SDK2: variants seen among roughly 807,000 people sequenced by gnomAD.
The protein encoded by SDK2 is sidekick cell adhesion molecule 2.
A neutral mutation model predicts 253.9 loss-of-function variants in SDK2; 105 were observed. The ratio of observed to expected loss-of-function variants is 0.41; its 90% CI spans 0.35 to 0.49. SDK2 has a LOEUF of 0.49. Ranked by LOEUF, SDK2 falls within the 20% of genes least tolerant of loss-of-function variation. The probability of loss-of-function intolerance (pLI) is 0.06; values close to 1 mark genes in which losing one functional copy is unlikely to be tolerated. For missense variants in SDK2, 2,608 were observed against 3,003.0 expected (o/e 0.87, Z 3.07); for synonymous variants, 1,249 against 1,234.9 (o/e 1.01, Z -0.24).
intron 1 of SDK2, among the ~76,000 whole-genome samples, chr17:73,588,197 A>ACCCCCCCCCCCCCCCCCC (rs57740393): frequency 2.3e-5 from 3 of 130,862 alleles, no homozygotes; most frequent in African/African-American, 5.7e-5. Context: ...ACATGGAGAG[A>ACCCCCCCCCCCCCCCCCC]CCCCCCCCCC....
Position 73,600,023 on chromosome 17 carries a change from G to A in SDK2, c.64+44002C>T, listed in dbSNP as rs563570425. On this transcript the variant is annotated intron_variant, in intron 1 of 44. Coordinates refer to ENST00000392650, the MANE Select transcript of SDK2 (RefSeq NM_001144952.2). The stretch of plus-strand genomic sequence containing the variant: ...GATACTGAACCCGTAGCAGCCCCTC[G>A]TCACTATGTTTTCTCAAACAGTGGT... Among the ~76,000 whole-genome samples, 9 of 152,320 alleles carry A rather than the reference G, an allele frequency of 5.9e-5. No homozygotes were observed. In the South Asian group the frequency reaches 1.0e-3, roughly 18 times the overall value.
intron 18 of SDK2, among the ~76,000 whole-genome samples, 152 bp downstream of exon 18, chr17:73,414,492 A>T (rs112600012): frequency 1.4e-3 from 206 of 151,566 alleles, no homozygotes; most frequent in African/African-American, 4.7e-3. Flanking sequence ...AAGGCCTGGA[A>T]CTCTTTTCCT....
At chr17:73,381,804 C>G (rs1055744626) in intron 33 of SDK2, among the ~76,000 whole-genome samples, 1 of 152,052 alleles carries the variant, frequency 6.6e-6, no homozygotes, top group Non-Finnish European at 1.5e-5. Flanking sequence ...ACTTGGGAGG[C>G]TGGGGCAGGA....
chr17:73,465,037 C>T lies in SDK2; in HGVS notation c.331+7075G>A, dbSNP rs897064285. ...CATTGTTTCCTGAGTGATTTGAATACTCAGGTAACATGAGTGCTCCAGAAA... is the reference window on the plus strand; with the variant it reads ...CATTGTTTCCTGAGTGATTTGAATATTCAGGTAACATGAGTGCTCCAGAAA... On this transcript the variant is annotated intron_variant, in intron 3 of 44. Transcript: ENST00000392650. The surrounding 1 kb of genome is among the most constrained non-coding windows in gnomAD (Gnocchi z 4.2). Among the ~76,000 whole-genome samples, 1 of 152,098 alleles carries T rather than the reference C, an allele frequency of 6.6e-6. No individual in the cohort carries two copies. Among genetic ancestry groups the T allele is most frequent in the African/African-American group, 2.4e-5 (1 of 41,426 alleles).
At chr17:73,596,565 C>T (rs763667922) in intron 1 of SDK2, among the ~76,000 whole-genome samples, 4 of 152,178 alleles carry the variant, frequency 2.6e-5, no homozygotes, top group Admixed American at 6.5e-5. Context: ...TGAAAGGGGG[C>T]GCTGGCTCAT....
chr17:73,514,897 G>C (rs1021359228), intron 1 of SDK2, among the ~76,000 whole-genome samples: 1 of 152,162 alleles, frequency 6.6e-6, no homozygotes, highest in Admixed American at 6.5e-5. Context: ...GTGGAAACCT[G>C]TGCTCCTTAC....
At chr17:73,440,397 C>T (rs993861254) in intron 6 of SDK2, among the ~76,000 whole-genome samples, 13 of 152,082 alleles carry the variant, frequency 8.5e-5, no homozygotes, top group South Asian at 4.1e-4. Context: ...TGAGCCATCG[C>T]GCCCAAAGCC....
At chr17:73,488,618 G>A (rs1164837580) in intron 2 of SDK2, among the ~76,000 whole-genome samples, 2 of 147,136 alleles carry the variant, frequency 1.4e-5, no homozygotes, top group East Asian at 2.0e-4. Flanking sequence ...TCCAATTTCC[G>A]ACAACCTTCC....
intron 30 of SDK2, among the ~76,000 whole-genome samples, chr17:73,386,846 C>A (rs2145486454): frequency 6.6e-6 from 1 of 152,358 alleles, no homozygotes; most frequent in East Asian, 1.9e-4. Flanking sequence ...TCTGCAGCTT[C>A]CCCACTTCGC....
intron 11 of SDK2, 113 bp from the exon 12 acceptor site, chr17:73,430,726 C>T (rs566462648): frequency 3.0e-6 from 2 of 656,282 alleles, no homozygotes; most frequent in South Asian, 2.9e-5. Context: ...ACAATGAGCT[C>T]CCTGGTACTT....
chr17:73,346,849 G>A (rs140698802), intron 44 of SDK2, among the ~76,000 whole-genome samples: 55 of 152,248 alleles, frequency 3.6e-4, no homozygotes, highest in Non-Finnish European at 5.3e-4. Flanking sequence ...TTTTCCTGGC[G>A]GCTGAAACCG....
At position 73,401,067 on chromosome 17, in the gene SDK2, C is replaced by A; in HGVS notation, c.2924G>T (p.Gly975Val). The change falls in exon 21 of 45, where the codon GGC becomes GTC. Residue 975 changes from glycine to valine, a missense_variant. Transcript: ENST00000392650. ...TIEVAAMTSK[G>V]QGQVSASTIS... The stretch of plus-strand genomic sequence containing the variant: ...GGTGGAGGCGGACACTTGGCCCTGG[C>A]CCTTTGAGGTCATGGCGGCCACCTC... 1 of 1,576,248 alleles carries A rather than the reference C, an allele frequency of 6.3e-7. No homozygotes were observed. The highest frequency in any genetic ancestry group is 8.6e-7 in the Non-Finnish European group (1 of 1,160,902).
At chr17:73,545,864 G>A (rs930251238) in intron 1 of SDK2, among the ~76,000 whole-genome samples, 4 of 152,164 alleles carry the variant, frequency 2.6e-5, no homozygotes, top group Admixed American at 2.6e-4. Flanking sequence ...CTCTGAGGCG[G>A]CTGGGGTCAG....
At chr17:73,456,195 G>A (rs2063525002) in intron 3 of SDK2, 142 bp from the exon 4 acceptor site, 4 of 872,598 alleles carry the variant, frequency 4.6e-6, no homozygotes, top group Middle Eastern at 2.7e-4. Flanking sequence ...CACCTTGCTC[G>A]GGCCACCCCA....
At chr17:73,449,310 G>A (rs1767442636) in intron 4 of SDK2, among the ~76,000 whole-genome samples, 1 of 152,218 alleles carries the variant, frequency 6.6e-6, no homozygotes, top group Non-Finnish European at 1.5e-5. Context: ...TGAGACAGCT[G>A]TTAAACATCC....
In SDK2 at chr17:73,642,757, C is replaced by G. The variant is rs892169977; in HGVS notation, c.64+1268G>C. Among the ~76,000 whole-genome samples, 2 of 152,172 alleles carry G rather than the reference C, an allele frequency of 1.3e-5. No individual in the cohort carries two copies. Among genetic ancestry groups the G allele is most frequent in the African/African-American group, 2.4e-5 (1 of 41,448 alleles). On this transcript the variant is annotated intron_variant, in intron 1 of 44. Transcript: ENST00000392650. The surrounding 1 kb of genome is among the most constrained non-coding windows in gnomAD (Gnocchi z 4.7). Reference sequence around the variant, plus strand: ...CATAAAAATAATAACTTTTATTACCCTACATTTATAGGGCTCGTTACAAAA... The same window carrying G: ...CATAAAAATAATAACTTTTATTACCGTACATTTATAGGGCTCGTTACAAAA...
rs1399118596 is a variant in SDK2, at chr17:73,348,588, C to T, written c.6165+11G>A. The T allele has an allele frequency of 1.2e-6, 2 of 1,611,466 alleles. No individual in the cohort carries two copies. The highest frequency in any genetic ancestry group is 8.5e-7 in the Non-Finnish European group (1 of 1,179,350). On this transcript the variant is annotated intron_variant, in intron 44 of 44. Transcript: ENST00000392650. The stretch of plus-strand genomic sequence containing the variant: ...TGCCCCCTGCAGGACACCTGGCCCT[C>T]CTGCCCTCACCTGAGAGTCGGAGAT...
chr17:73,533,109 C>A (rs951707413), intron 1 of SDK2, among the ~76,000 whole-genome samples: 1 of 152,222 alleles, frequency 6.6e-6, no homozygotes, highest in Non-Finnish European at 1.5e-5. Context: ...AACCCTCATG[C>A]CCCTACGGGA....
chr17:73,611,011 G>C (rs951969957), intron 1 of SDK2, among the ~76,000 whole-genome samples: 1 of 152,190 alleles, frequency 6.6e-6, no homozygotes, highest in Non-Finnish European at 1.5e-5. Flanking sequence ...GTCAGCTACA[G>C]GTCTTAATAC....
Sources: gnomAD v4.1 joint callset for allele counts (sites outside exome capture counted in the v4.1 genomes callset) on GRCh38, gnomAD v4.1.1 for gene constraint, Gnocchi (gnomAD v3.1) non-coding constraint, MANE v1.5 for transcripts, NCBI Gene and HGNC (gene_info 2026-07-23, HGNC 2026-07-21) for gene names.